Variants in SHC4 observed in about 807,000 individuals in gnomAD.
SHC4 encodes the protein SHC-transforming protein 4.
SHC4 carries 41 observed loss-of-function variants against 69.4 expected under a neutral mutation model. The observed-to-expected ratio is 0.59, with a 90% CI of 0.46 to 0.77. The LOEUF (loss-of-function observed/expected upper bound fraction) is 0.77. Ranked by LOEUF, SHC4 falls within the 30% of genes least tolerant of loss-of-function variation. The probability of loss-of-function intolerance (pLI) is 0.00; values close to 1 mark genes in which losing one functional copy is unlikely to be tolerated. For missense variants in SHC4, 777 were observed against 783.8 expected (o/e 0.99, Z 0.10); for synonymous variants, 318 against 299.3 (o/e 1.06, Z -0.64).
chr15:48,867,939 G>T (rs1899595640), intron 5 of SHC4, 70 bp from the exon 6 acceptor site: 2 of 1,301,112 alleles, frequency 1.5e-6, no homozygotes, highest in Non-Finnish European at 2.2e-6. Flanking sequence ...ATATATTTTG[G>T]ACATGATACT....
At chr15:48,878,047 C>G in intron 4 of SHC4, 1 of 1,194,430 alleles carries the variant, frequency 8.4e-7, no homozygotes, top group Non-Finnish European at 1.2e-6. Flanking sequence ...AAGTAGGAGG[C>G]GGTACCTGAG....
chr15:48,828,789 C>T (rs576284811), intron 11 of SHC4, among the ~76,000 whole-genome samples: 20 of 152,246 alleles, frequency 1.3e-4, no homozygotes, highest in East Asian at 7.7e-4. Context: ...TTCATATACC[C>T]GTTGGTCATT....
intron 4 of SHC4, among the ~76,000 whole-genome samples, chr15:48,882,325 G>A (rs1899961119): frequency 6.6e-6 from 1 of 152,100 alleles, no homozygotes; most frequent in South Asian, 2.1e-4. Context: ...TGAGATAAAT[G>A]AGATCTTAAC....
At chr15:48,843,736 G>T in intron 9 of SHC4, 148 bp from the exon 10 acceptor site, 1 of 740,294 alleles carries the variant, frequency 1.4e-6, no homozygotes, top group Non-Finnish European at 2.0e-6. Flanking sequence ...GTTTGACTTG[G>T]AAAATCAAAA....
chr15:48,916,559 C>CAAA (rs35709723), intron 2 of SHC4, among the ~76,000 whole-genome samples: 1,568 of 136,810 alleles, frequency 0.011, 34 homozygotes, highest in East Asian at 0.049. Flanking sequence ...AGCATCAGTT[C>CAAA]AAAAAAAAAA....
intron 5 of SHC4, among the ~76,000 whole-genome samples, chr15:48,871,013 C>G (rs1899664842): frequency 1.3e-5 from 2 of 152,210 alleles, no homozygotes; most frequent in Non-Finnish European, 2.9e-5. Flanking sequence ...TTAGCATCCT[C>G]TATATCTTTC....
intron 6 of SHC4, among the ~76,000 whole-genome samples, chr15:48,862,695 C>T (rs1166409485): frequency 2.0e-5 from 3 of 152,198 alleles, no homozygotes; most frequent in Admixed American, 1.3e-4. Flanking sequence ...TCCAGAGTGA[C>T]CAGTGGCCTG....
chr15:48,882,446 T>A (rs1482541686), intron 4 of SHC4, among the ~76,000 whole-genome samples: 2 of 152,126 alleles, frequency 1.3e-5, no homozygotes, highest in Non-Finnish European at 2.9e-5. Flanking sequence ...TTACTGGTAA[T>A]GAAAACCACC....
intron 4 of SHC4, chr15:48,878,783 C>T (rs1899882700): frequency 6.5e-7 from 1 of 1,542,082 alleles, no homozygotes; most frequent in Non-Finnish European, 8.8e-7. Flanking sequence ...GAGGAGGGAC[C>T]CAACTTTCCG....
rs1237818539 is a variant in SHC4 at position 48,825,228 on chromosome 15, G to T, written c.*743C>A. 1 of 151,958 alleles carries T rather than the reference G, an allele frequency of 6.6e-6. No individual in the cohort carries two copies. The highest frequency in any genetic ancestry group is 1.5e-5 in the Non-Finnish European group (1 of 67,998). 9.4% of individuals were successfully genotyped at this position (151,958 alleles called of 1,614,324 possible). On this transcript the variant is annotated 3_prime_UTR_variant, in exon 12 of 12. Transcript: ENST00000332408. Reference sequence around the variant, plus strand: ...GAATATAATGAAATCAGAAATGACTGATAGATTTGGCTTCTTCAGCTTGTC... The same window carrying T: ...GAATATAATGAAATCAGAAATGACTTATAGATTTGGCTTCTTCAGCTTGTC...
chr15:48,875,979 C>T (rs996666249), intron 4 of SHC4, among the ~76,000 whole-genome samples: 15 of 152,218 alleles, frequency 9.9e-5, no homozygotes, highest in South Asian at 2.1e-4. Context: ...AGAGCACACA[C>T]GTCTTCTCTT....
intron 4 of SHC4, among the ~76,000 whole-genome samples, chr15:48,873,657 T>C (rs75172382): frequency 6.6e-6 from 1 of 151,842 alleles, no homozygotes; most frequent in Non-Finnish European, 1.5e-5. Flanking sequence ...AGGAGAATGG[T>C]GTGAACCCGG....
intron 8 of SHC4, among the ~76,000 whole-genome samples, chr15:48,852,261 T>C (rs989820193): frequency 1.3e-5 from 2 of 152,108 alleles, no homozygotes; most frequent in Non-Finnish European, 2.9e-5. Context: ...AGAGTGCTAA[T>C]GTGGTGGTAG....
At chr15:48,935,263 C>T (rs1465702489) in intron 1 of SHC4, among the ~76,000 whole-genome samples, 2 of 152,078 alleles carry the variant, frequency 1.3e-5, no homozygotes, top group Non-Finnish European at 2.9e-5. Context: ...TATTCTGTAG[C>T]CTTGAGGTGG....
At chr15:48,961,881 A>C (rs542114041) in intron 1 of SHC4, among the ~76,000 whole-genome samples, 2 of 152,342 alleles carry the variant, frequency 1.3e-5, no homozygotes, top group South Asian at 4.1e-4. Flanking sequence ...TGTGCACCGG[A>C]GAGCTAAGAC....
At chr15:48,917,552 C>A (rs370633321) in intron 2 of SHC4, among the ~76,000 whole-genome samples, 2 of 152,006 alleles carry the variant, frequency 1.3e-5, no homozygotes, top group Non-Finnish European at 2.9e-5. Flanking sequence ...TCCTCTTTTG[C>A]CCTTTTGCAT....
At chr15:48,956,333 T>C (rs1227667670) in intron 1 of SHC4, among the ~76,000 whole-genome samples, 1 of 152,216 alleles carries the variant, frequency 6.6e-6, no homozygotes, top group Non-Finnish European at 1.5e-5. Context: ...ACCATGGGAC[T>C]GTCTCTCCAG....
intron 1 of SHC4, among the ~76,000 whole-genome samples, chr15:48,952,036 C>T (rs1901373563): frequency 6.6e-6 from 1 of 152,104 alleles, no homozygotes; most frequent in Non-Finnish European, 1.5e-5. Context: ...GCTTAACTCA[C>T]CATGAAACAG....
At chr15:48,945,416 T>G (rs1054832329) in intron 1 of SHC4, among the ~76,000 whole-genome samples, 1 of 152,054 alleles carries the variant, frequency 6.6e-6, no homozygotes, top group African/African-American at 2.4e-5. Flanking sequence ...AACTTACCCA[T>G]GAATGTTCAT....
Sources: gnomAD v4.1 joint callset for allele counts (sites outside exome capture counted in the v4.1 genomes callset) on GRCh38, gnomAD v4.1.1 for gene constraint, MANE v1.5 for transcripts, NCBI Gene and HGNC (gene_info 2026-07-23, HGNC 2026-07-21) for gene names.